Variants in HID1 observed in about 807,000 individuals in gnomAD.
The protein encoded by HID1 is HID1 domain containing.
In HID1, 42 loss-of-function variants were observed where a neutral mutation model predicts 89.7. The ratio of observed to expected loss-of-function variants is 0.47; its 90% CI spans 0.37 to 0.61. The LOEUF is 0.61. HID1 is among the 20% of genes least tolerant of loss of function. The pLI is 0.00. For synonymous variants in HID1, 442 were observed against 433.8 expected, an observed-to-expected ratio of 1.02 and a Z score of -0.24; for missense variants, 854 against 1,039.3, an observed-to-expected ratio of 0.82 and a Z score of 2.45.
rs766388199 is a variant in HID1 at position 74,958,235 on chromosome 17, C to T, written c.1393-16G>A. On this transcript the variant is annotated splice_polypyrimidine_tract_variant and intron_variant, in intron 11 of 18. Coordinates refer to ENST00000425042, the MANE Select transcript of HID1 (RefSeq NM_030630.3). This position sits in a 1 kb window ranked among gnomAD's most constrained non-coding sequence, Gnocchi z 5.2. ...TGTGGAACACCTGTGCCAGGAGGGA[C>T]AGAGGCACCGTGGGGTCCCCGCTGC... 5.6e-6 allele frequency: 9 copies of T among 1,609,110 alleles called. No homozygotes were observed. The highest frequency in any genetic ancestry group is 7.6e-6 in the Non-Finnish European group (9 of 1,177,990).
In HID1 at chr17:74,964,649, G is replaced by A. The variant is rs762412136; in HGVS notation, c.67-17C>T. 2 of 1,607,414 alleles carry A rather than the reference G, an allele frequency of 1.2e-6. No individual in the cohort carries two copies. Among genetic ancestry groups the A allele is most frequent in the South Asian group, 1.1e-5 (1 of 89,414 alleles). ...TTCCACGGGCTGTGGGGGGACCAAG[G>A]GTCCAGAGTTACACAACTCCTGGCC... On this transcript the variant is annotated splice_polypyrimidine_tract_variant and intron_variant, in intron 1 of 18. Coordinates refer to ENST00000425042, the MANE Select transcript of HID1 (RefSeq NM_030630.3).
At position 74,972,705 on chromosome 17, in the gene HID1, C is replaced by G; in HGVS notation, c.-49G>C. ...GGCCCCCGCCCAGACTCCAACCCGGCTCCGGCTTCAGCTCCGGCTCCAGCT... is the reference window on the plus strand; with the variant it reads ...GGCCCCCGCCCAGACTCCAACCCGGGTCCGGCTTCAGCTCCGGCTCCAGCT... On this transcript the variant is annotated 5_prime_UTR_variant, in exon 1 of 19. Coordinates refer to ENST00000425042, the MANE Select transcript of HID1 (RefSeq NM_030630.3). This position sits in a 1 kb window ranked among gnomAD's most constrained non-coding sequence, Gnocchi z 6.4. The G allele has an allele frequency of 1.3e-6, 2 of 1,484,650 alleles. No homozygotes were observed. Among genetic ancestry groups the G allele is most frequent in the South Asian group, 1.3e-5 (1 of 78,496 alleles). The allele number at this position is 1,484,650 out of a possible 1,614,324, so 92.0% of individuals were successfully genotyped here. A position where few individuals can be genotyped will look rare whatever the true frequency, so the allele number is the denominator to read the frequency against.
chr17:74,954,765 C>T (rs1567957979), intron 13 of HID1: 2 of 267,932 alleles, frequency 7.5e-6, no homozygotes, highest in South Asian at 3.8e-5. Flanking sequence ...ACAGAGGATC[C>T]GTCCATCCCC....
chr17:74,952,012 CAG>C lies in HID1; in HGVS notation c.2194_2195del (p.Leu732GlyfsTer52). On this transcript the variant is annotated frameshift_variant, in exon 18 of 19. Transcript: ENST00000425042. LOFTEE classifies it high-confidence loss of function. ...EILRFLQHGTLVGLLPVPHPI... is the reference protein window; with the variant it reads ...EILRFLQHGTXVGLLPVPHPI... ...GGTGGGGCACGGGCAGCAGCCCCAC[CAG>C]GGTGCCATGCTGCAGGAACCGCAGG... The C allele has an allele frequency of 6.4e-7, 1 of 1,560,290 alleles. No homozygotes were observed. Among genetic ancestry groups the C allele is most frequent in the Non-Finnish European group, 8.7e-7 (1 of 1,151,776 alleles).
At position 74,958,720 on chromosome 17, in the gene HID1, A is replaced by G. The variant is rs2039433033; in HGVS notation, c.1193T>C (p.Ile398Thr). 6.3e-7 allele frequency: 1 copy of G among 1,587,868 alleles called. No individual in the cohort carries two copies. The highest frequency in any genetic ancestry group is 1.4e-5 in the African/African-American group (1 of 70,988). Residue 398 changes from isoleucine (I) to threonine (T), a missense_variant, in exon 10 of 19, where the codon ATC (isoleucine) becomes ACC (threonine). Ile to Thr is a moderately conservative substitution (Grantham distance 89). Transcript: ENST00000425042. The surrounding 1 kb of genome is among the most constrained non-coding windows in gnomAD (Gnocchi z 5.2). ...FVLKSSDVLD[I>T]LVPILFFLND... is the part of the protein sequence containing the mutation. The stretch of plus-strand genomic sequence containing the variant: ...GAGGAAGAAGAGGATGGGGACAAGG[A>G]TGTCTAGGACGTCGCTGCTCTTCAG...
chr17:74,954,323 A>C lies in HID1; in HGVS notation c.1679T>G (p.Ile560Ser). The change falls in exon 14 of 19, where the codon ATC (isoleucine) becomes AGC (serine). Residue 560 changes from isoleucine (I) to serine (S), a missense_variant. Ile to Ser is a moderately radical substitution (Grantham distance 142). Transcript: ENST00000425042. ...GGGCAGGTTGGCCAGCTGGTGGAAG[A>C]TGCTGCGCTTGCGGATGATGGCGTA... ...LVYAIIRKRSIFHQLANLPTD... is the reference protein window; with the variant it reads ...LVYAIIRKRSSFHQLANLPTD... The C allele has an allele frequency of 6.3e-7, 1 of 1,585,504 alleles. No individual in the cohort carries two copies. The highest frequency in any genetic ancestry group is 8.6e-7 in the Non-Finnish European group (1 of 1,166,458).
chr17:74,961,885 G>T lies in HID1; in HGVS notation c.716C>A (p.Ser239Tyr). The part of the protein sequence containing the change: ...STNPWVQFFC[S>Y]TENRHALPLF... ...AAGGGCCCTTCACCTGTTCTCCGTGGAACAAAAGAACTGAACCCATGGGTT... is the reference window on the plus strand; with the variant it reads ...AAGGGCCCTTCACCTGTTCTCCGTGTAACAAAAGAACTGAACCCATGGGTT... Residue 239 changes from serine (S) to tyrosine (Y), a missense_variant, in exon 6 of 19, where the codon TCC becomes TAC. By Grantham distance (144) the Ser-to-Tyr change is moderately radical (BLOSUM62 -2). Transcript: ENST00000425042. 1.3e-6 allele frequency: 2 copies of T among 1,576,724 alleles called. No homozygotes were observed. Among genetic ancestry groups the T allele is most frequent in the South Asian group, 1.2e-5 (1 of 86,572 alleles).
intron 1 of HID1, among the ~76,000 whole-genome samples, chr17:74,971,166 G>T (rs1033759320): frequency 3.9e-5 from 6 of 152,178 alleles, no homozygotes; most frequent in South Asian, 2.1e-4. Flanking sequence ...GACCCCAGCT[G>T]CCGAGCCCAC....
chr17:74,968,719 C>T (rs1290559758), intron 1 of HID1, among the ~76,000 whole-genome samples: 1 of 152,168 alleles, frequency 6.6e-6, no homozygotes, highest in Non-Finnish European at 1.5e-5. Flanking sequence ...TCCCAGGAAA[C>T]CCACAGAGCC....
At chr17:74,964,016 C>A in intron 2 of HID1, 106 bp from the exon 3 acceptor site, 1 of 1,201,374 alleles carries the variant, frequency 8.3e-7, no homozygotes, top group Non-Finnish European at 1.2e-6. Context: ...TCAGGGGGGG[C>A]ACCCAGGCTG....
At position 74,951,600 on chromosome 17, in the gene HID1, G is replaced by A. The variant is rs139582069; in HGVS notation, c.2337C>T (p.Asp779=). The A allele has an allele frequency of 8.2e-5, 133 of 1,612,796 alleles. No homozygotes were observed. The highest frequency in any genetic ancestry group is 4.3e-4 in the African/African-American group (32 of 75,020). ...CCCGCTGTATCTCAAACAGCTTCAC[G>A]TCGGTGTCGTACCAGACAGGGGGGT... The part of the protein sequence containing the change: ...NVDPPVWYDT[D]VKLFEIQRV The change falls in exon 19 of 19, where the codon GAC becomes GAT. Residue 779 remains aspartate, a synonymous_variant. Coordinates refer to ENST00000425042, the MANE Select transcript of HID1 (RefSeq NM_030630.3).
Position 74,951,996 on chromosome 17 carries a change from C to T in HID1, c.2212G>A (p.Val738Met), listed in dbSNP as rs1700924322. 1.3e-6 allele frequency: 2 copies of T among 1,560,828 alleles called. No individual in the cohort carries two copies. Among genetic ancestry groups the T allele is most frequent in the African/African-American group, 2.7e-5 (2 of 74,208 alleles). ...TTGCGGATGAGGATGGGGTGGGGCA[C>T]GGGCAGCAGCCCCACCAGGGTGCCA... ...QHGTLVGLLP[V>M]PHPILIRKYQ... is the part of the protein sequence containing the mutation. Residue 738 changes from valine (V) to methionine (M), a missense_variant, in exon 18 of 19, where the codon GTG (valine) becomes ATG (methionine). Coordinates refer to ENST00000425042, the MANE Select transcript of HID1 (RefSeq NM_030630.3).
chr17:74,966,469 GC>G (rs2039565766), intron 1 of HID1, among the ~76,000 whole-genome samples: 1 of 151,864 alleles, frequency 6.6e-6, no homozygotes, highest in Non-Finnish European at 1.5e-5. Flanking sequence ...ACCTCCTCGG[GC>G]CCATCCCTTT....
In HID1 at chr17:74,960,173, G is replaced by T; in HGVS notation, c.804C>A (p.Tyr268Ter). Residue 268 changes from tyrosine (Y) to a stop codon, truncating the protein, a stop_gained, in exon 7 of 19, where the codon TAC (tyrosine) becomes TAA (stop). Coordinates refer to ENST00000425042, the MANE Select transcript of HID1 (RefSeq NM_030630.3). LOFTEE classifies it high-confidence loss of function. Reference sequence around the variant, plus strand: ...GGTAGTCAGAGAAGAGCAGGTGGTTGTAGGGGATCCCGTAGCCCACAGGGT... The same window carrying T: ...GGTAGTCAGAGAAGAGCAGGTGGTTTTAGGGGATCCCGTAGCCCACAGGGT... The part of the protein sequence containing the change: ...AYDPVGYGIP[Y>*]NHLLFSDYRE... The T allele has an allele frequency of 3.1e-6, 5 of 1,613,966 alleles. No individual in the cohort carries two copies. Among genetic ancestry groups the T allele is most frequent in the Non-Finnish European group, 4.2e-6 (5 of 1,180,038 alleles).
rs191987963 is a variant in HID1, at chr17:74,962,761, C to T, written c.504+204G>A. 1.1e-3 allele frequency among the ~76,000 whole-genome samples: 160 copies of T among 152,322 alleles called. 1 individual carries two copies. Among genetic ancestry groups the T allele is most frequent in the Non-Finnish European group, 1.8e-3 (120 of 68,016 alleles). On this transcript the variant is annotated intron_variant, in intron 4 of 18. Transcript: ENST00000425042. This position sits in a 1 kb window ranked among gnomAD's most constrained non-coding sequence, Gnocchi z 4.3. Reference sequence around the variant, plus strand: ...CAATGGGTGTCTGTGCCCAGCCATCCGAACGCAGCGGGCAGGGCCAGCCCC... The same window carrying T: ...CAATGGGTGTCTGTGCCCAGCCATCTGAACGCAGCGGGCAGGGCCAGCCCC...
At chr17:74,964,669 C>A in intron 1 of HID1, 37 bp from the exon 2 acceptor site, 1 of 1,594,140 alleles carries the variant, frequency 6.3e-7, no homozygotes. Context: ...TACACAACTC[C>A]TGGCCAGAGG....
At chr17:74,952,860 G>A (rs2039326029) in intron 16 of HID1, 146 bp downstream of exon 16, 1 of 631,924 alleles carries the variant, frequency 1.6e-6, no homozygotes, top group Non-Finnish European at 2.7e-6. Flanking sequence ...CCCAGAGTCA[G>A]GCTTCTATGC....
At chr17:74,965,185 C>T (rs1204582248) in intron 1 of HID1, among the ~76,000 whole-genome samples, 2 of 152,260 alleles carry the variant, frequency 1.3e-5, no homozygotes, top group Non-Finnish European at 2.9e-5. Flanking sequence ...CCCCTCTCAG[C>T]GCCCACCTCC....
In HID1 at chr17:74,960,019, T is replaced by A; in HGVS notation, c.951+7A>T. The A allele has an allele frequency of 1.2e-6, 2 of 1,613,428 alleles. No homozygotes were observed. Among genetic ancestry groups the A allele is most frequent in the Non-Finnish European group, 1.7e-6 (2 of 1,179,746 alleles). On this transcript the variant is annotated splice_region_variant and intron_variant, in intron 7 of 18. Transcript: ENST00000425042. ...GGCAGCTGTCCCTTCCATGCTCCCA[T>A]CCTTACATCGGCATCATCCATGGCG...
Sources: allele counts gnomAD v4.1 joint callset (sites outside exome capture counted in the v4.1 genomes callset), GRCh38; gene constraint gnomAD v4.1.1; non-coding constraint Gnocchi (gnomAD v3.1); transcripts MANE v1.5; gene names NCBI Gene and HGNC (gene_info 2026-07-23, HGNC 2026-07-21).